Variants in ZNF445 observed in about 807,000 individuals in gnomAD.
The protein encoded by ZNF445 is zinc finger protein 168.
Under a neutral mutation model 93.9 loss-of-function variants are expected in ZNF445, and 19 were observed. That is an observed-to-expected ratio of 0.20 (90% CI 0.14 to 0.30). The LOEUF (loss-of-function observed/expected upper bound fraction) is 0.30. Among genes scored for constraint, ZNF445 ranks in the 10% least tolerant of loss-of-function variants. The pLI is 1.00. For missense variants in ZNF445, 1,058 were observed against 1,259.4 expected (o/e 0.84, Z 2.42); for synonymous variants, 449 against 446.3 (o/e 1.01, Z -0.08).
intron 2 of ZNF445, among the ~76,000 whole-genome samples, chr3:44,455,945 G>T (rs1698023785): frequency 3.9e-5 from 6 of 152,124 alleles, no homozygotes; most frequent in Admixed American, 3.3e-4. Flanking sequence ...AGTCAGAGAA[G>T]ATCTAAATAA....
intron 3 of ZNF445, chr3:44,454,824 C>T (rs1698005230): frequency 2.4e-6 from 1 of 411,566 alleles, no homozygotes; most frequent in Admixed American, 3.8e-5. Context: ...CCACCTCAGC[C>T]TCCTAAAGTG....
Position 44,442,218 on chromosome 3 carries a change from A to C in ZNF445, c.*4357T>G, listed in dbSNP as rs959054235. 6.6e-6 allele frequency: 1 copy of C among 152,194 alleles called. No homozygotes were observed. Among genetic ancestry groups the C allele is most frequent in the Non-Finnish European group, 1.5e-5 (1 of 68,038 alleles). 9.4% of individuals were successfully genotyped at this position (152,194 alleles called of 1,614,324 possible). The stretch of plus-strand genomic sequence containing the variant: ...TCATATTCACTTTCCAAGGACCAAA[A>C]ACAACCCATTTATTTATCCATTCTT... On this transcript the variant is annotated 3_prime_UTR_variant, in exon 8 of 8. Coordinates refer to ENST00000396077, the MANE Select transcript of ZNF445 (RefSeq NM_181489.6).
At chr3:44,454,753 T>C (rs1223495786) in intron 3 of ZNF445, 4 of 285,778 alleles carry the variant, frequency 1.4e-5, no homozygotes, top group South Asian at 1.2e-4. Context: ...ATAGAGACAG[T>C]GTGGGGGGGT....
chr3:44,450,806 G>T, intron 5 of ZNF445, 62 bp downstream of exon 5: 1 of 1,401,512 alleles, frequency 7.1e-7, no homozygotes, highest in Non-Finnish European at 9.6e-7. Flanking sequence ...TGGGGAAGCT[G>T]CACTATCCCA....
chr3:44,461,043 T>C (rs377429452), intron 1 of ZNF445, among the ~76,000 whole-genome samples: 158 of 152,180 alleles, frequency 1.0e-3, no homozygotes, highest in African/African-American at 3.6e-3. Context: ...AATGGAGAAA[T>C]AGTCCTGGGG....
At position 44,443,741 on chromosome 3, in the gene ZNF445, G is replaced by C. The variant is rs1676356563; in HGVS notation, c.*2834C>G. The stretch of plus-strand genomic sequence containing the variant: ...ACTGCACTCTAGCCTGGGTAACAGA[G>C]TGAGACTCCGTATCAAAAAAAAAAA... On this transcript the variant is annotated 3_prime_UTR_variant, in exon 8 of 8. Coordinates refer to ENST00000396077, the MANE Select transcript of ZNF445 (RefSeq NM_181489.6). 1.3e-5 allele frequency: 2 copies of C among 149,976 alleles called. 1 individual carries two copies. Among genetic ancestry groups the C allele is most frequent in the Admixed American group, 1.3e-4 (2 of 14,998 alleles). The allele number at this position is 149,976 out of a possible 1,614,324, so 9.3% of individuals were successfully genotyped here. A position where few individuals can be genotyped will look rare whatever the true frequency, so the allele number is the denominator to read the frequency against.
intron 1 of ZNF445, among the ~76,000 whole-genome samples, chr3:44,467,617 A>T (rs1321445138): frequency 6.6e-6 from 1 of 152,224 alleles, no homozygotes; most frequent in Non-Finnish European, 1.5e-5. Context: ...CTCAGCTTTT[A>T]AAAAGTCTTA....
In ZNF445 at chr3:44,438,980, C is replaced by T. The variant is rs918752832; in HGVS notation, c.*7595G>A. The T allele has an allele frequency of 7.0e-6, 1 of 142,562 alleles. No homozygotes were observed. Among genetic ancestry groups the T allele is most frequent in the African/African-American group, 2.6e-5 (1 of 38,264 alleles). 8.8% of individuals were successfully genotyped at this position (142,562 alleles called of 1,614,324 possible). ...CATGTATACATATGTAACTAACCTG[C>T]ACATTGTGCACATGTACCCTAAAAG... On this transcript the variant is annotated 3_prime_UTR_variant, in exon 8 of 8. Transcript: ENST00000396077.
chr3:44,450,657 G>C, intron 5 of ZNF445, 84 bp from the exon 6 acceptor site: 1 of 1,548,390 alleles, frequency 6.5e-7, no homozygotes. Flanking sequence ...AACTGGCTCT[G>C]TGTGAGTGCA....
In ZNF445 at chr3:44,447,718, T is replaced by C; in HGVS notation, c.1953A>G (p.Lys651=). Residue 651 remains lysine, a synonymous_variant, in exon 8 of 8, where the codon AAA becomes AAG. Coordinates refer to ENST00000396077, the MANE Select transcript of ZNF445 (RefSeq NM_181489.6). The surrounding 1 kb of genome is among the most constrained non-coding windows in gnomAD (Gnocchi z 4.7). Reference sequence around the variant, plus strand: ...CACGACATTCATCTTGTTTGTAGAATTTTTCCTCCTCATGCAACCTCATAT... The same window carrying C: ...CACGACATTCATCTTGTTTGTAGAACTTTTCCTCCTCATGCAACCTCATAT... ...TRHMRLHEEE[K]FYKQDECREG... 2 of 1,614,158 alleles carry C rather than the reference T, an allele frequency of 1.2e-6. No individual in the cohort carries two copies. Among genetic ancestry groups the C allele is most frequent in the Admixed American group, 1.7e-5 (1 of 60,024 alleles).
In ZNF445 at chr3:44,442,861, T is replaced by C. The variant is rs1697828029; in HGVS notation, c.*3714A>G. ...GTCAACATTTCACCCCACAGCCCCT[T>C]AAAAAAAACCCAACCCTGACTCAGC... On this transcript the variant is annotated 3_prime_UTR_variant, in exon 8 of 8. Transcript: ENST00000396077. 1 of 151,838 alleles carries C rather than the reference T, an allele frequency of 6.6e-6. No individual in the cohort carries two copies. The highest frequency in any genetic ancestry group is 1.9e-4 in the East Asian group (1 of 5,186). The allele number at this position is 151,838 out of a possible 1,614,324, so 9.4% of individuals were successfully genotyped here. A position where few individuals can be genotyped will look rare whatever the true frequency, so the allele number is the denominator to read the frequency against.
In ZNF445 at chr3:44,433,816, T is replaced by C. The variant is rs1575299108; in HGVS notation, c.*12759A>G. 6.6e-6 allele frequency: 1 copy of C among 152,330 alleles called. No individual in the cohort carries two copies. Among genetic ancestry groups the C allele is most frequent in the Admixed American group, 6.5e-5 (1 of 15,286 alleles). 9.4% of individuals were successfully genotyped at this position (152,330 alleles called of 1,614,324 possible). A position where few individuals can be genotyped will look rare whatever the true frequency, so the allele number is the denominator to read the frequency against. ...GAATGGCCTCCGCCTGCTATCTTGC[T>C]CTGCTGTCAGGGTCTTGAAATTCTG... On this transcript the variant is annotated 3_prime_UTR_variant, in exon 8 of 8. Transcript: ENST00000396077.
chr3:44,451,182 T>C, intron 4 of ZNF445, 132 bp downstream of exon 4: 2 of 1,215,240 alleles, frequency 1.6e-6, no homozygotes, highest in South Asian at 1.4e-5. Flanking sequence ...ATAGAATGGA[T>C]GGAGAGGACA....
chr3:44,448,664 A>T lies in ZNF445; in HGVS notation c.1007T>A (p.Val336Glu). 1 of 1,614,156 alleles carries T rather than the reference A, an allele frequency of 6.2e-7. No individual in the cohort carries two copies. Among genetic ancestry groups the T allele is most frequent in the Non-Finnish European group, 8.5e-7 (1 of 1,180,038 alleles). ...ACTTGTCGCAGGACATCCTGATGACACAGCTAAGGTTTCTGCTTCTTCCAA... is the reference window on the plus strand; with the variant it reads ...ACTTGTCGCAGGACATCCTGATGACTCAGCTAAGGTTTCTGCTTCTTCCAA... The part of the protein sequence containing the change: ...EPLEEAETLA[V>E]SSGCPATSVS... Residue 336 changes from valine (V) to glutamate (E), a missense_variant, in exon 8 of 8, where the codon GTG becomes GAG. Val to Glu is a moderately radical substitution (Grantham distance 121). This residue lies in a region of ZNF445 where 657 missense variants were observed against 746.4 expected (regional missense o/e 0.88). Transcript: ENST00000396077.
In ZNF445 at chr3:44,460,056, T is replaced by A. The variant is rs75607548; in HGVS notation, c.-268-1692A>T. Among the ~76,000 whole-genome samples, 328 of 152,174 alleles carry A rather than the reference T, an allele frequency of 2.2e-3. 4 individuals are homozygous for A. The highest frequency in any genetic ancestry group is 6.7e-3 in the African/African-American group (280 of 41,512). ...GTTTCTATTGAAAAATGAAATAAAG[T>A]AAGAATCTACCCTGGAAAAATAGAT... is the stretch of plus-strand genomic sequence containing the variant. On this transcript the variant is annotated intron_variant, in intron 1 of 7. Coordinates refer to ENST00000396077, the MANE Select transcript of ZNF445 (RefSeq NM_181489.6).
In ZNF445 at chr3:44,432,804, G is replaced by C. The variant is rs1697585542; in HGVS notation, c.*13771C>G. On this transcript the variant is annotated 3_prime_UTR_variant, in exon 8 of 8. Transcript: ENST00000396077. ...TTCCCTCTTACATCCCTGAATGGCA[G>C]AACCCAACAAGGAACCAGCTGGCGA... 1 of 152,194 alleles carries C rather than the reference G, an allele frequency of 6.6e-6. No individual in the cohort carries two copies. Among genetic ancestry groups the C allele is most frequent in the Admixed American group, 6.5e-5 (1 of 15,274 alleles). 9.4% of individuals were successfully genotyped at this position (152,194 alleles called of 1,614,324 possible). A position where few individuals can be genotyped will look rare whatever the true frequency, so the allele number is the denominator to read the frequency against.
Position 44,455,352 on chromosome 3 carries a change from A to C in ZNF445, c.198T>G (p.Ser66=). The change falls in exon 3 of 8, where the codon TCT becomes TCG. Residue 66 remains serine (S), a synonymous_variant. Coordinates refer to ENST00000396077, the MANE Select transcript of ZNF445 (RefSeq NM_181489.6). ...QLFRQLRYHE[S]SGPLETLSRL... ...GGCTCAGAGTTTCTAGGGGCCCTGAAGACTCATGGTAGCGAAGCTGTCTGA... is the reference window on the plus strand; with the variant it reads ...GGCTCAGAGTTTCTAGGGGCCCTGACGACTCATGGTAGCGAAGCTGTCTGA... The C allele has an allele frequency of 1.9e-6, 3 of 1,614,054 alleles. No individual in the cohort carries two copies. The highest frequency in any genetic ancestry group is 2.5e-6 in the Non-Finnish European group (3 of 1,179,946).
At chr3:44,469,913 G>A (rs2888390) in intron 1 of ZNF445, among the ~76,000 whole-genome samples, 64,157 of 152,042 alleles carry the variant, frequency 0.42, 14,474 homozygotes, top group East Asian at 0.86. Flanking sequence ...GGACTCTTTC[G>A]CTCTTGTAAG....
At chr3:44,465,160 C>T (rs1232875775) in intron 1 of ZNF445, among the ~76,000 whole-genome samples, 1 of 151,668 alleles carries the variant, frequency 6.6e-6, no homozygotes, top group African/African-American at 2.4e-5. Flanking sequence ...TTAATTGAGA[C>T]CACTGGAGAA....
Sources: allele counts gnomAD v4.1 joint callset (sites outside exome capture counted in the v4.1 genomes callset), GRCh38; gene constraint gnomAD v4.1.1; regional missense constraint gnomAD v4.1.1; non-coding constraint Gnocchi (gnomAD v3.1); transcripts MANE v1.5; gene names NCBI Gene and HGNC (gene_info 2026-07-23, HGNC 2026-07-21).